PABIR2: variants seen among roughly 807,000 people sequenced by gnomAD.
PABIR2 encodes the protein family with sequence similarity 122B.
Under a neutral mutation model 22.8 loss-of-function variants are expected in PABIR2, and 7 were observed. The observed-to-expected ratio is 0.31, with a 90% CI of 0.17 to 0.58. PABIR2 has a LOEUF of 0.58. Among genes scored for constraint, PABIR2 ranks in the 20% least tolerant of loss-of-function variants. PABIR2 has a pLI of 0.89. For synonymous variants in PABIR2, 67 were observed against 73.8 expected (o/e 0.91, Z 0.47); for missense variants, 155 against 205.1 (o/e 0.76, Z 1.49).
At chrX:134,787,610 CT>C (rs1179720154) in intron 6 of PABIR2, 77 bp from the exon 7 acceptor site, 35,096 of 259,105 alleles carry the variant, frequency 0.14, 14 homozygotes, top group Non-Finnish European at 0.15. Context: ...AGTTTTCTTT[CT>C]TTTTTTTTTT....
At chrX:134,791,089 T>A (rs755621111) in intron 2 of PABIR2, among the ~76,000 whole-genome samples, 4 of 110,788 alleles carry the variant, frequency 3.6e-5, no homozygotes, top group South Asian at 3.8e-4. Context: ...CATGCTACAT[T>A]TACATAATAT....
At chrX:134,793,274 C>G (rs1225563180) in intron 2 of PABIR2, among the ~76,000 whole-genome samples, 1 of 112,079 alleles carries the variant, frequency 8.9e-6, no homozygotes, top group Non-Finnish European at 1.9e-5. Flanking sequence ...CACATGTGAA[C>G]TGCTACTATA....
intron 9 of PABIR2, among the ~76,000 whole-genome samples, chrX:134,779,415 G>A (rs1019751943): frequency 2.7e-5 from 3 of 111,109 alleles, no homozygotes; most frequent in Non-Finnish European, 5.7e-5. Flanking sequence ...GACAGAGCGA[G>A]ACTCTGTCTC....
intron 9 of PABIR2, among the ~76,000 whole-genome samples, chrX:134,772,619 T>G (rs1263486315): frequency 4.5e-5 from 5 of 110,995 alleles, no homozygotes; most frequent in Non-Finnish European, 7.5e-5. Flanking sequence ...ATGTTTACCT[T>G]CCCATCAGGC....
intron 2 of PABIR2, chrX:134,793,563 G>C (rs944456456): frequency 6.7e-6 from 3 of 450,702 alleles, no homozygotes; most frequent in African/African-American, 4.8e-5. Context: ...TCACAAGCCT[G>C]ATGCAAGTAG....
intron 9 of PABIR2, among the ~76,000 whole-genome samples, chrX:134,780,263 T>C (rs5978041): frequency 8.9e-6 from 1 of 112,454 alleles, no homozygotes; most frequent in Non-Finnish European, 1.9e-5. Flanking sequence ...TTAAAGTGAG[T>C]GCCCTCATGG....
intron 8 of PABIR2, among the ~76,000 whole-genome samples, chrX:134,784,767 C>T (rs1293690849): frequency 1.8e-5 from 2 of 111,365 alleles, no homozygotes; most frequent in African/African-American, 6.5e-5. Context: ...ACCTGTATTG[C>T]CTTTTTAAAG....
chrX:134,786,442 C>T (rs1170592438), intron 7 of PABIR2, among the ~76,000 whole-genome samples: 7 of 110,769 alleles, frequency 6.3e-5, no homozygotes, highest in East Asian at 2.8e-4. Context: ...CACTTGAACC[C>T]GGGAGGCAGA....
At chrX:134,773,806 G>C (rs1048636776) in intron 9 of PABIR2, among the ~76,000 whole-genome samples, 4 of 111,893 alleles carry the variant, frequency 3.6e-5, no homozygotes, top group Non-Finnish European at 5.6e-5. Flanking sequence ...GAGTCGAAAT[G>C]TTAGGAGTCT....
chrX:134,786,200 G>GA (rs1250164524), intron 7 of PABIR2, among the ~76,000 whole-genome samples: 3 of 111,647 alleles, frequency 2.7e-5, no homozygotes, highest in African/African-American at 9.8e-5. Context: ...ACAGTTTAAA[G>GA]AAAAAAAGAT....
At chrX:134,783,476 C>T (rs1483713838) in intron 8 of PABIR2, among the ~76,000 whole-genome samples, 1 of 112,422 alleles carries the variant, frequency 8.9e-6, no homozygotes, top group Non-Finnish European at 1.9e-5. Context: ...CCTGTAATCC[C>T]AGCATTTTGG....
intron 2 of PABIR2, among the ~76,000 whole-genome samples, chrX:134,792,317 T>C (rs1006971587): frequency 1.8e-5 from 2 of 111,979 alleles, no homozygotes; most frequent in African/African-American, 6.5e-5. Context: ...ACCTAGACCA[T>C]GGTTGATAAG....
rs1196492852 is a variant in PABIR2, at chrX:134,771,253, G to A, written c.*886C>T. 1.5e-5 allele frequency: 17 copies of A among 1,129,974 alleles called. No homozygotes were observed. The highest frequency in any genetic ancestry group is 9.2e-5 in the African/African-American group (5 of 54,452). The allele number at this position is 1,129,974 out of a possible 1,213,427, so 93.1% of individuals were successfully genotyped here. A position where few individuals can be genotyped will look rare whatever the true frequency, so the allele number is the denominator to read the frequency against. ...TCGAGACACTGACAGCTCCATGGAC[G>A]CTTTTGTACACAGTGGTTTGTGTGT... On this transcript the variant is annotated 3_prime_UTR_variant, in exon 10 of 10. Transcript: ENST00000343004.
intron 9 of PABIR2, among the ~76,000 whole-genome samples, chrX:134,778,137 G>A (rs1317034046): frequency 1.9e-5 from 2 of 102,802 alleles, no homozygotes; most frequent in Non-Finnish European, 4.0e-5. Flanking sequence ...CAAGTGATCC[G>A]CCCACCTCGG....
intron 2 of PABIR2, among the ~76,000 whole-genome samples, chrX:134,792,137 T>C (rs2079565929): frequency 8.9e-6 from 1 of 112,385 alleles, no homozygotes. Context: ...TAATTAATAT[T>C]ATGATAGTTG....
At chrX:134,792,227 T>C (rs1452954400) in intron 2 of PABIR2, among the ~76,000 whole-genome samples, 1 of 111,861 alleles carries the variant, frequency 8.9e-6, no homozygotes, top group Non-Finnish European at 1.9e-5. Context: ...GGGGTAGGAA[T>C]GAAAAGATGA....
intron 9 of PABIR2, among the ~76,000 whole-genome samples, chrX:134,775,490 G>C (rs1371697987): frequency 1.1e-5 from 1 of 92,425 alleles, no homozygotes; most frequent in Non-Finnish European, 2.1e-5. Flanking sequence ...CTGCACTCCA[G>C]CCTGGGTGAC....
chrX:134,795,502 C>A lies in PABIR2; in HGVS notation c.98+606G>T, dbSNP rs187788958. Among the ~76,000 whole-genome samples, 95 of 111,477 alleles carry A rather than the reference C, an allele frequency of 8.5e-4. No homozygotes were observed. In the East Asian group the frequency reaches 0.025, roughly 30 times the overall value. ...GACCCTACCACTGAAATTGAAGAGT[C>A]GATTCTCTCCACCGTTTTCTAAAAC... On this transcript the variant is annotated intron_variant, in intron 1 of 9. Transcript: ENST00000343004.
At chrX:134,781,785 C>T (rs1056494893) in intron 9 of PABIR2, 36 bp downstream of exon 9, 7 of 995,258 alleles carry the variant, frequency 7.0e-6, no homozygotes, top group Non-Finnish European at 9.6e-6. Flanking sequence ...ATGGATTATA[C>T]TCTAATATAC....
Sources: gnomAD v4.1 joint callset for allele counts (sites outside exome capture counted in the v4.1 genomes callset) on GRCh38, gnomAD v4.1.1 for gene constraint, MANE v1.5 for transcripts, NCBI Gene and HGNC (gene_info 2026-07-23, HGNC 2026-07-21) for gene names.